Variants in HDLBP observed in about 807,000 individuals in gnomAD.
The protein encoded by HDLBP is vigilin.
Under a neutral mutation model 137.3 loss-of-function variants are expected in HDLBP, and 30 were observed. That is an observed-to-expected ratio of 0.22 (90% CI 0.16 to 0.30). The LOEUF (loss-of-function observed/expected upper bound fraction) is 0.30. Ranked by LOEUF, HDLBP falls within the 10% of genes least tolerant of loss-of-function variation. The pLI, the probability that HDLBP is intolerant of heterozygous loss-of-function variation, is 1.00. For synonymous variants in HDLBP, 606 were observed against 596.0 expected, an observed-to-expected ratio of 1.02 and a Z score of -0.24; for missense variants, 1,119 against 1,667.3, an observed-to-expected ratio of 0.67 and a Z score of 5.73.
intron 11 of HDLBP, among the ~76,000 whole-genome samples, chr2:241,252,458 C>T (rs1228765059): frequency 3.3e-5 from 5 of 152,316 alleles, no homozygotes; most frequent in Admixed American, 6.5e-5. Flanking sequence ...GCTGAGATCA[C>T]GCCACTGCAC....
chr2:241,271,224 C>T, intron 1 of HDLBP: 14 of 730,222 alleles, frequency 1.9e-5, no homozygotes, highest in Non-Finnish European at 2.3e-5. Flanking sequence ...ATAGGAAGCT[C>T]GGATCAATCA....
chr2:241,238,801 C>A lies in HDLBP; in HGVS notation c.2611-14G>T, dbSNP rs534164754. ...CACCTGAGCTTCCTGGAGGGAGGTA[C>A]ACAAAGAAAAAAGAAAAGAGCAAAG... On this transcript the variant is annotated splice_polypyrimidine_tract_variant and intron_variant, in intron 19 of 27. Coordinates refer to ENST00000310931, the MANE Select transcript of HDLBP (RefSeq NM_005336.6). This position sits in a 1 kb window ranked among gnomAD's most constrained non-coding sequence, Gnocchi z 4.9. 2.7e-6 allele frequency: 4 copies of A among 1,470,182 alleles called. No homozygotes were observed. Among genetic ancestry groups the A allele is most frequent in the Admixed American group, 2.3e-5 (1 of 43,854 alleles). The allele number at this position is 1,470,182 out of a possible 1,614,324, so 91.1% of individuals were successfully genotyped here.
chr2:241,294,020 T>C (rs748948613), intron 1 of HDLBP, among the ~76,000 whole-genome samples: 19 of 152,046 alleles, frequency 1.2e-4, no homozygotes, highest in Admixed American at 3.3e-4. Flanking sequence ...ATTAACTCTC[T>C]CTAGCCTGAC....
intron 4 of HDLBP, among the ~76,000 whole-genome samples, chr2:241,263,700 T>C (rs1395904036): frequency 6.6e-6 from 1 of 152,142 alleles, no homozygotes; most frequent in Non-Finnish European, 1.5e-5. Flanking sequence ...TATAAAAGTT[T>C]TGAAACTCAC....
chr2:241,280,125 T>G (rs2074541407), intron 1 of HDLBP: 2 of 985,218 alleles, frequency 2.0e-6, no homozygotes, highest in Non-Finnish European at 2.4e-6. Flanking sequence ...TTTAGCACAA[T>G]TTGCACTCCC....
chr2:241,234,348 A>T lies in HDLBP; in HGVS notation c.3145-385T>A, dbSNP rs977911797. On this transcript the variant is annotated intron_variant, in intron 23 of 27. Transcript: ENST00000310931. The stretch of plus-strand genomic sequence containing the variant: ...CTGGATCTTTTTAGGACTGGGGCAG[A>T]TGCAGACCAAGAAGAGGGGGCAGCC... Among the ~76,000 whole-genome samples the T allele has an allele frequency of 3.0e-4, 46 of 152,216 alleles. 1 individual carries two copies. The highest frequency in any genetic ancestry group is 5.9e-5 in the Non-Finnish European group (4 of 68,042).
intron 1 of HDLBP, among the ~76,000 whole-genome samples, chr2:241,312,318 T>C (rs2075778550): frequency 1.3e-5 from 2 of 152,224 alleles, no homozygotes; most frequent in South Asian, 2.1e-4. Context: ...TTCGAGGAAC[T>C]TCAGTGTGCT....
intron 1 of HDLBP, among the ~76,000 whole-genome samples, chr2:241,300,264 C>T (rs897959758): frequency 6.6e-6 from 1 of 152,126 alleles, no homozygotes. Context: ...TCCATCTGGG[C>T]CAGCCACTAG....
intron 5 of HDLBP, among the ~76,000 whole-genome samples, chr2:241,258,326 G>A (rs549618670): frequency 1.2e-4 from 15 of 125,922 alleles, no homozygotes; most frequent in East Asian, 4.9e-4. Context: ...CAGCCTGGGC[G>A]ACAGAGCAAG....
At chr2:241,267,037 C>T in intron 2 of HDLBP, 131 bp from the exon 3 acceptor site, 1 of 679,548 alleles carries the variant, frequency 1.5e-6, no homozygotes, top group Non-Finnish European at 2.5e-6. Flanking sequence ...ATTTTCCTCA[C>T]AACCTCTGAT....
At chr2:241,244,263 A>T (rs979477367) in intron 16 of HDLBP, among the ~76,000 whole-genome samples, 1 of 152,184 alleles carries the variant, frequency 6.6e-6, no homozygotes, top group African/African-American at 2.4e-5. Flanking sequence ...CCTGACGGGG[A>T]GACAGCAAGG....
At chr2:241,253,220 A>C (rs1375033721) in intron 10 of HDLBP, 173 bp downstream of exon 10, 3 of 668,436 alleles carry the variant, frequency 4.5e-6, no homozygotes, top group Non-Finnish European at 8.2e-6. Context: ...ACCCACGATT[A>C]TTCCAGGACT....
At chr2:241,266,708 C>T in intron 3 of HDLBP, 86 bp downstream of exon 3, 2 of 923,134 alleles carry the variant, frequency 2.2e-6, no homozygotes, top group South Asian at 2.8e-5. Context: ...AAAGGTACTT[C>T]TAGAAAGGGC....
chr2:241,251,623 T>TC (rs1385274938), intron 11 of HDLBP, among the ~76,000 whole-genome samples: 1 of 152,228 alleles, frequency 6.6e-6, no homozygotes, highest in Non-Finnish European at 1.5e-5. Context: ...CGTGTGCACT[T>TC]GTTTTCAGAA....
intron 1 of HDLBP, among the ~76,000 whole-genome samples, chr2:241,296,645 C>T (rs1460752022): frequency 2.0e-5 from 3 of 152,082 alleles, no homozygotes; most frequent in Admixed American, 6.5e-5. Flanking sequence ...CACAAACACA[C>T]GAATAGATGT....
At position 241,261,043 on chromosome 2, in the gene HDLBP, A is replaced by C. The variant is rs974112822; in HGVS notation, c.450+1668T>G. Among the ~76,000 whole-genome samples the C allele has an allele frequency of 6.1e-5, 9 of 148,206 alleles. 1 individual carries two copies. The South Asian group carries it at 6.3e-4, about 10-fold the overall frequency. ...CCGCATCTGCCAAAAAACAAACAAA[A>C]AAAAAGCCGGGCCTGATGGTGCATG... On this transcript the variant is annotated intron_variant, in intron 5 of 27. Transcript: ENST00000310931.
intron 1 of HDLBP, among the ~76,000 whole-genome samples, chr2:241,283,989 CTGAG>C (rs2074711008): frequency 6.6e-6 from 1 of 151,358 alleles, no homozygotes; most frequent in South Asian, 2.1e-4. Flanking sequence ...AAACGATTTA[CTGAG>C]TATTTTAAGC....
At chr2:241,242,161 T>TAAAACTCAA (rs1476051628) in intron 17 of HDLBP, among the ~76,000 whole-genome samples, 1 of 152,214 alleles carries the variant, frequency 6.6e-6, no homozygotes, top group African/African-American at 2.4e-5. Context: ...GCATGTTACT[T>TAAAACTCAA]AAAACTCAAC....
At chr2:241,294,593 T>C (rs2149668227) in intron 1 of HDLBP, among the ~76,000 whole-genome samples, 1 of 152,274 alleles carries the variant, frequency 6.6e-6, no homozygotes, top group Admixed American at 6.5e-5. Flanking sequence ...CCTAAGGCGC[T>C]GCGACTACAG....
Sources: gnomAD v4.1 joint callset for allele counts (sites outside exome capture counted in the v4.1 genomes callset) on GRCh38, gnomAD v4.1.1 for gene constraint, Gnocchi (gnomAD v3.1) non-coding constraint, MANE v1.5 for transcripts, NCBI Gene and HGNC (gene_info 2026-07-23, HGNC 2026-07-21) for gene names.